Variants in TACC1 observed in about 807,000 individuals in gnomAD.
TACC1 encodes transforming acidic coiled-coil-containing protein 1.
TACC1 carries 48 observed loss-of-function variants against 84.4 expected under a neutral mutation model. The ratio of observed to expected loss-of-function variants is 0.57; its 90% CI spans 0.45 to 0.72. The LOEUF (loss-of-function observed/expected upper bound fraction) is 0.72. Among genes scored for constraint, TACC1 ranks in the 30% least tolerant of loss-of-function variants. The pLI is 0.00. For missense variants in TACC1, 920 were observed against 973.0 expected (o/e 0.95, Z 0.72); for synonymous variants, 372 against 376.3 (o/e 0.99, Z 0.13).
chr8:38,839,303 C>A (rs993017032), intron 8 of TACC1: 2 of 395,622 alleles, frequency 5.1e-6, no homozygotes, highest in African/African-American at 4.1e-5. Flanking sequence ...AAATCGAAAT[C>A]TTTTTATTTT....
chr8:38,790,410 A>G (rs1341056361), intron 2 of TACC1, among the ~76,000 whole-genome samples: 1 of 152,210 alleles, frequency 6.6e-6, no homozygotes, highest in African/African-American at 2.4e-5. Flanking sequence ...TCAGCCCACA[A>G]CAGAGAGCTT....
chr8:38,804,934 A>G (rs963434508), intron 2 of TACC1, among the ~76,000 whole-genome samples: 1 of 152,228 alleles, frequency 6.6e-6, no homozygotes, highest in Non-Finnish European at 1.5e-5. Flanking sequence ...GAGGGGAGAG[A>G]TTATTGCCCT....
chr8:38,788,044 C>T (rs1047083072), intron 1 of TACC1: 16 of 427,146 alleles, frequency 3.7e-5, no homozygotes, highest in Admixed American at 9.2e-5. Flanking sequence ...CCCCGCCCCT[C>T]CACACTGGAG....
chr8:38,743,817 T>A (rs1240087768), intron 2 of TACC1, among the ~76,000 whole-genome samples: 1 of 151,996 alleles, frequency 6.6e-6, no homozygotes, highest in East Asian at 1.9e-4. Context: ...AGCCCAGGAG[T>A]TGGAGGTTGC....
chr8:38,748,981 TA>T (rs537013165), intron 3 of TACC1, among the ~76,000 whole-genome samples: 244 of 149,730 alleles, frequency 1.6e-3, no homozygotes, highest in African/African-American at 4.9e-3. Context: ...AAAAAAGAGA[TA>T]AAAAAATCAT....
chr8:38,757,262 G>A (rs866131674), intron 3 of TACC1: 1 of 699,538 alleles, frequency 1.4e-6, no homozygotes, highest in Non-Finnish European at 1.7e-6. Flanking sequence ...CCGCCTCCCC[G>A]CCCAGGGTCT....
intron 8 of TACC1, 135 bp downstream of exon 8, chr8:38,838,681 G>C (rs1830677081): frequency 1.5e-6 from 1 of 664,670 alleles, no homozygotes; most frequent in Non-Finnish European, 2.6e-6. Flanking sequence ...TTTGCACCTT[G>C]CTTTGTGATT....
At position 38,787,264 on chromosome 8, in the gene TACC1, A is replaced by G. The variant is rs1283336564; in HGVS notation, c.-319A>G. ...TCCGCGAGCCGGGAGCGGGAGCAGCAGAGGTCTAGCAGCCGGGCGCCGCGG... is the reference window on the plus strand; with the variant it reads ...TCCGCGAGCCGGGAGCGGGAGCAGCGGAGGTCTAGCAGCCGGGCGCCGCGG... On this transcript the variant is annotated 5_prime_UTR_variant, in exon 1 of 13. Transcript: ENST00000317827. 9.5e-7 allele frequency: 1 copy of G among 1,048,912 alleles called. No homozygotes were observed. The highest frequency in any genetic ancestry group is 1.1e-6 in the Non-Finnish European group (1 of 871,518). 65.0% of individuals were successfully genotyped at this position (1,048,912 alleles called of 1,614,324 possible). A position where few individuals can be genotyped will look rare whatever the true frequency, so the allele number is the denominator to read the frequency against.
intron 2 of TACC1, among the ~76,000 whole-genome samples, chr8:38,809,411 T>C (rs1453405400): frequency 6.6e-6 from 1 of 152,124 alleles, no homozygotes; most frequent in East Asian, 1.9e-4. Context: ...TTTTGTCTTG[T>C]GCTGAGATGT....
In TACC1 at chr8:38,852,795, C is replaced by T. The variant is rs1275467111; in HGVS notation, c.*4772C>T. ...TGCTTCCACTGTGTTCCCACGGGTG[C>T]CATGAAGTGTGTGAGGAGCCCCTCA... On this transcript the variant is annotated 3_prime_UTR_variant, in exon 13 of 13. Coordinates refer to ENST00000317827, the MANE Select transcript of TACC1 (RefSeq NM_006283.3). 3 of 152,646 alleles carry T rather than the reference C, an allele frequency of 2.0e-5. No homozygotes were observed. The highest frequency in any genetic ancestry group is 4.8e-5 in the African/African-American group (2 of 41,454). The allele number at this position is 152,646 out of a possible 1,614,324, so 9.5% of individuals were successfully genotyped here.
chr8:38,736,480 G>A lies in TACC1; in HGVS notation c.-674-5871G>A, dbSNP rs549345308. 2.2e-4 allele frequency among the ~76,000 whole-genome samples: 34 copies of A among 152,166 alleles called. 1 individual carries two copies. The South Asian group carries it at 4.8e-3, about 21-fold the overall frequency. On this transcript the variant is annotated intron_variant, in intron 1 of 14. Transcript: ENST00000518415. ...AAAATAAAAAAATTACCCGGGCATG[G>A]TAGCACACGCCTGTAGTCCCAGCTA... is the stretch of plus-strand genomic sequence containing the variant.
intron 6 of TACC1, among the ~76,000 whole-genome samples, chr8:38,835,433 G>A (rs919474453): frequency 2.0e-5 from 3 of 152,228 alleles, no homozygotes; most frequent in Non-Finnish European, 4.4e-5. Context: ...GCACCTCAGA[G>A]GGCGAAGTGC....
chr8:38,757,396 C>A lies in TACC1; in HGVS notation c.26+11903C>A, dbSNP rs1319653066. ...ACCCGCCGGGGAGAGGCACCCGAGA[C>A]CCACGGAGACCGCGTGAGTCCCAGA... On this transcript the variant is annotated intron_variant, in intron 3 of 14. Transcript: ENST00000518415. The A allele has an allele frequency of 4.0e-6, 5 of 1,253,826 alleles. No homozygotes were observed. The African/African-American group carries it at 8.0e-5, about 20-fold the overall frequency. 77.7% of individuals were successfully genotyped at this position (1,253,826 alleles called of 1,614,324 possible). A position where few individuals can be genotyped will look rare whatever the true frequency, so the allele number is the denominator to read the frequency against.
At chr8:38,743,380 C>T (rs1807462092) in intron 2 of TACC1, among the ~76,000 whole-genome samples, 2 of 152,268 alleles carry the variant, frequency 1.3e-5, no homozygotes, top group South Asian at 4.1e-4. Context: ...AGAAGAAATA[C>T]AAGAGGAAAT....
intron 1 of TACC1, among the ~76,000 whole-genome samples, chr8:38,733,288 T>C (rs917117697): frequency 1.3e-5 from 2 of 149,762 alleles, no homozygotes; most frequent in East Asian, 3.9e-4. Flanking sequence ...ATCTCTCATA[T>C]CCAGAATTGA....
At position 38,825,513 on chromosome 8, in the gene TACC1, T is replaced by C. The variant is rs948832979; in HGVS notation, c.1452+145T>C. ...AAGAAGCCAATTTCCAGATCCTTAC[T>C]GTCCCTGAAGAGAAGGCCCCTGAAG... On this transcript the variant is annotated intron_variant, in intron 4 of 12. Coordinates refer to ENST00000317827, the MANE Select transcript of TACC1 (RefSeq NM_006283.3). 5.2e-6 allele frequency: 4 copies of C among 767,806 alleles called. No homozygotes were observed. In the Admixed American group the frequency reaches 9.8e-5, roughly 19 times the overall value. 47.6% of individuals were successfully genotyped at this position (767,806 alleles called of 1,614,324 possible).
At chr8:38,837,813 C>T (rs1245164719) in intron 7 of TACC1, among the ~76,000 whole-genome samples, 2 of 152,204 alleles carry the variant, frequency 1.3e-5, no homozygotes, top group African/African-American at 4.8e-5. Flanking sequence ...GCAAGCCCAG[C>T]CCAGGGCAAA....
At chr8:38,807,345 A>C (rs1157830183) in intron 2 of TACC1, among the ~76,000 whole-genome samples, 1 of 152,212 alleles carries the variant, frequency 6.6e-6, no homozygotes, top group East Asian at 1.9e-4. Flanking sequence ...TTGAGGTCAG[A>C]AAGAGAGCCA....
At position 38,757,978 on chromosome 8, in the gene TACC1, G is replaced by C. The variant is rs145745751; in HGVS notation, c.26+12485G>C. Among the ~76,000 whole-genome samples the C allele has an allele frequency of 4.7e-4, 71 of 152,358 alleles. No homozygotes were observed. The East Asian group carries it at 0.01, about 22-fold the overall frequency. On this transcript the variant is annotated intron_variant, in intron 3 of 14. Transcript: ENST00000518415. ...GGACAGCAACAATTGGGGACACCAA[G>C]TACTGTAATGAAAGCTGTGAAGGGA... is the stretch of plus-strand genomic sequence containing the variant.
Sources: allele counts gnomAD v4.1 joint callset (sites outside exome capture counted in the v4.1 genomes callset), GRCh38; gene constraint gnomAD v4.1.1; transcripts MANE v1.5; gene names NCBI Gene and HGNC (gene_info 2026-07-23, HGNC 2026-07-21).